Variants in NSMAF observed in about 807,000 individuals in gnomAD.
NSMAF encodes the protein neutral sphingomyelinase activation associated factor.
A neutral mutation model predicts 134.9 loss-of-function variants in NSMAF; 90 were observed. That is an observed-to-expected ratio of 0.67 (90% CI 0.56 to 0.79). The LOEUF (loss-of-function observed/expected upper bound fraction) is 0.79. Among genes scored for constraint, NSMAF ranks in the 30% least tolerant of loss-of-function variants. The probability of loss-of-function intolerance (pLI) is 0.00; values close to 1 mark genes in which losing one functional copy is unlikely to be tolerated. For synonymous variants in NSMAF, 358 were observed against 389.6 expected (o/e 0.92, Z 0.96); for missense variants, 1,010 against 1,119.0 (o/e 0.90, Z 1.39).
At chr8:58,591,481 CTTTTTTTT>C (rs1018380152) in intron 23 of NSMAF, among the ~76,000 whole-genome samples, 7 of 94,494 alleles carry the variant, frequency 7.4e-5, no homozygotes, top group East Asian at 3.6e-4. Flanking sequence ...AGAAACCTTC[CTTTTTTTT>C]TTTTTTTTTT....
At position 58,585,724 on chromosome 8, in the gene NSMAF, T is replaced by C. The variant is rs1035859520; in HGVS notation, c.2587A>G (p.Ser863Gly). 3.1e-6 allele frequency: 5 copies of C among 1,614,180 alleles called. No individual in the cohort carries two copies. The highest frequency in any genetic ancestry group is 4.2e-6 in the Non-Finnish European group (5 of 1,180,010). ...VWDGNSVLSG[S>G]QSGELLVWDL... ...CAAACGAGCAGTTCACCAGACTGAC[T>C]GCCAGATAAAACGGAATTTCCATCC... Residue 863 changes from serine to glycine, a missense_variant, in exon 30 of 31, where the codon AGT becomes GGT. Transcript: ENST00000038176.
At chr8:58,650,034 C>T (rs1807548086) in intron 1 of NSMAF, among the ~76,000 whole-genome samples, 1 of 152,202 alleles carries the variant, frequency 6.6e-6, no homozygotes. Context: ...TGAAATAATT[C>T]TGTGGTTCTA....
In NSMAF at chr8:58,585,818, A is replaced by G. The variant is rs979480903; in HGVS notation, c.2550-57T>C. On this transcript the variant is annotated intron_variant, in intron 29 of 30. Coordinates refer to ENST00000038176, the MANE Select transcript of NSMAF (RefSeq NM_003580.4). ...TCATCATGAAGGAAGGATATGTTGA[A>G]CTGGCCAATGTAAGCCCAAATGAAG... is the stretch of plus-strand genomic sequence containing the variant. 1.4e-5 allele frequency: 23 copies of G among 1,586,824 alleles called. 1 individual carries two copies. Among genetic ancestry groups the G allele is most frequent in the Middle Eastern group, 1.7e-4 (1 of 6,024 alleles).
chr8:58,588,475 G>A lies in NSMAF; in HGVS notation c.2212-774C>T, dbSNP rs1200293902. On this transcript the variant is annotated intron_variant, in intron 26 of 30. Transcript: ENST00000038176. The stretch of plus-strand genomic sequence containing the variant: ...ACCCGCAGGTCTAAATTGGGGTGGG[G>A]GTGTTCGGTCCTTGCAGGCTTCACG... 13 of 1,176,314 alleles carry A rather than the reference G, an allele frequency of 1.1e-5. No individual in the cohort carries two copies. In the Admixed American group the frequency reaches 1.3e-4, roughly 12 times the overall value. The allele number at this position is 1,176,314 out of a possible 1,614,324, so 72.9% of individuals were successfully genotyped here. A position where few individuals can be genotyped will look rare whatever the true frequency, so the allele number is the denominator to read the frequency against.
In NSMAF at chr8:58,623,211, GA is replaced by G; in HGVS notation, c.557+8del. On this transcript the variant is annotated splice_region_variant and intron_variant, in intron 9 of 30. Transcript: ENST00000038176. Reference sequence around the variant, plus strand: ...CTTTTCTAATTAGGAAAGATCATTAGAAACTTACCTGTTTTTGTCAAATGAT... The same window carrying G: ...CTTTTCTAATTAGGAAAGATCATTAGAACTTACCTGTTTTTGTCAAATGAT... 6.3e-7 allele frequency: 1 copy of G among 1,594,024 alleles called. No homozygotes were observed. Among genetic ancestry groups the G allele is most frequent in the Non-Finnish European group, 8.6e-7 (1 of 1,163,726 alleles).
At chr8:58,612,778 C>T (rs751168978) in intron 9 of NSMAF, among the ~76,000 whole-genome samples, 1 of 152,106 alleles carries the variant, frequency 6.6e-6, no homozygotes, top group Non-Finnish European at 1.5e-5. Flanking sequence ...CAGCTGATCA[C>T]TGAGGTGTTC....
intron 6 of NSMAF, among the ~76,000 whole-genome samples, chr8:58,627,287 G>GC (rs569496790): frequency 6.6e-6 from 1 of 151,850 alleles, no homozygotes; most frequent in Non-Finnish European, 1.5e-5. Flanking sequence ...CTTTGCCTAC[G>GC]CCCCTGAAAA....
intron 22 of NSMAF, among the ~76,000 whole-genome samples, chr8:58,595,252 G>T (rs1251511933): frequency 1.3e-5 from 2 of 152,120 alleles, no homozygotes; most frequent in African/African-American, 4.8e-5. Context: ...GATTCAAGGA[G>T]CTGTGTACTC....
chr8:58,595,114 A>ATTG (rs143063886), intron 22 of NSMAF, among the ~76,000 whole-genome samples: 4,585 of 152,298 alleles, frequency 0.03, 125 homozygotes, highest in East Asian at 0.078. Flanking sequence ...AAGCATAATT[A>ATTG]TTTTTAAAAT....
chr8:58,605,435 C>A (rs1264762310), intron 12 of NSMAF, among the ~76,000 whole-genome samples: 1 of 152,110 alleles, frequency 6.6e-6, no homozygotes, highest in Non-Finnish European at 1.5e-5. Context: ...TGAGTGGATT[C>A]TTCAAAATCC....
At chr8:58,627,104 T>C (rs1238208870) in intron 6 of NSMAF, among the ~76,000 whole-genome samples, 1 of 152,238 alleles carries the variant, frequency 6.6e-6, no homozygotes, top group African/African-American at 2.4e-5. Context: ...AGATTCTGGA[T>C]GTTAGTCCTT....
chr8:58,607,169 C>T (rs569464428), intron 11 of NSMAF, among the ~76,000 whole-genome samples: 1 of 152,118 alleles, frequency 6.6e-6, no homozygotes, highest in Admixed American at 6.6e-5. Flanking sequence ...CTATTGGTGT[C>T]GAATTAAAAC....
At chr8:58,588,775 C>G (rs999072194) in intron 26 of NSMAF, 1 of 1,116,770 alleles carries the variant, frequency 9.0e-7, no homozygotes, top group South Asian at 1.2e-5. Context: ...CTTGGAGGCA[C>G]GGACCGGAGA....
intron 18 of NSMAF, 61 bp downstream of exon 18, chr8:58,599,689 C>A: frequency 6.5e-7 from 1 of 1,548,894 alleles, no homozygotes; most frequent in Non-Finnish European, 8.7e-7. Context: ...AAAATAATTA[C>A]TGAAATTGCA....
chr8:58,634,475 T>A (rs1178612790), intron 5 of NSMAF, among the ~76,000 whole-genome samples: 1 of 152,172 alleles, frequency 6.6e-6, no homozygotes, highest in Non-Finnish European at 1.5e-5. Context: ...CCCACAGCTT[T>A]TCTTATCCCT....
At chr8:58,604,536 T>C (rs1036712203) in intron 12 of NSMAF, among the ~76,000 whole-genome samples, 1 of 135,276 alleles carries the variant, frequency 7.4e-6, no homozygotes, top group Non-Finnish European at 1.6e-5. Flanking sequence ...ATAAACTATA[T>C]ATAACTACAT....
At chr8:58,631,089 G>A (rs1807047604) in intron 6 of NSMAF, among the ~76,000 whole-genome samples, 1 of 152,170 alleles carries the variant, frequency 6.6e-6, no homozygotes, top group Non-Finnish European at 1.5e-5. Flanking sequence ...CTAATTAAGA[G>A]TACTTACAAA....
intron 27 of NSMAF, 40 bp downstream of exon 27, chr8:58,587,578 T>C (rs1805914956): frequency 6.3e-7 from 1 of 1,575,760 alleles, no homozygotes. Flanking sequence ...CCCTAGACTT[T>C]TAAGGTCAGT....
At chr8:58,622,246 T>C (rs1222288137) in intron 9 of NSMAF, among the ~76,000 whole-genome samples, 1 of 152,126 alleles carries the variant, frequency 6.6e-6, no homozygotes, top group Non-Finnish European at 1.5e-5. Flanking sequence ...TAAAATTTAT[T>C]ATTTTTATTT....
Sources: gnomAD v4.1 joint callset for allele counts (sites outside exome capture counted in the v4.1 genomes callset) on GRCh38, gnomAD v4.1.1 for gene constraint, MANE v1.5 for transcripts, NCBI Gene and HGNC (gene_info 2026-07-23, HGNC 2026-07-21) for gene names.